SCLT1: variants seen among roughly 807,000 people sequenced by gnomAD.
SCLT1 encodes the protein sodium channel-associated protein 1.
Under a neutral mutation model 112.8 loss-of-function variants are expected in SCLT1, and 78 were observed. The ratio of observed to expected loss-of-function variants is 0.69; its 90% CI spans 0.58 to 0.83. The LOEUF (loss-of-function observed/expected upper bound fraction) is 0.83, where lower values mean the gene tolerates loss of function less well. Among genes scored for constraint, SCLT1 ranks in the 40% least tolerant of loss-of-function variants. SCLT1 has a pLI of 0.00. For missense variants in SCLT1, 747 were observed against 770.4 expected (o/e 0.97, Z 0.36); for synonymous variants, 257 against 254.7 (o/e 1.01, Z -0.09).
intron 5 of SCLT1, among the ~76,000 whole-genome samples, chr4:129,023,263 A>G (rs897814865): frequency 2.0e-5 from 3 of 152,210 alleles, no homozygotes; most frequent in African/African-American, 7.2e-5. Context: ...TCCAGCTAGC[A>G]TCATGGCGAC....
At position 128,898,554 on chromosome 4, in the gene SCLT1, G is replaced by A. The variant is rs1025426168; in HGVS notation, c.1830-7417C>T. Among the ~76,000 whole-genome samples, 10 of 152,156 alleles carry A rather than the reference G, an allele frequency of 6.6e-5. No homozygotes were observed. In the East Asian group the frequency reaches 1.9e-3, roughly 29 times the overall value. ...TAGAGGGAAATTTATAGCACTAAAT[G>A]CCCACAAGAGAAAGCAGGAAAGATC... On this transcript the variant is annotated intron_variant, in intron 18 of 20. Transcript: ENST00000281142.
chr4:128,962,440 G>T lies in SCLT1; in HGVS notation c.870-2663C>A, dbSNP rs114611244. On this transcript the variant is annotated intron_variant, in intron 11 of 20. Transcript: ENST00000281142. ...ATATCTGCCTCAAATCTTAAGAACA[G>T]ACGTTAATTGTATATTATGTCTACT... Among the ~76,000 whole-genome samples, 869 of 152,178 alleles carry T rather than the reference G, an allele frequency of 5.7e-3. 7 individuals carry two copies. Among genetic ancestry groups the T allele is most frequent in the Middle Eastern group, 0.034 (10 of 294 alleles).
In SCLT1 at chr4:129,051,456, G is replaced by C. The variant is rs555177260; in HGVS notation, c.103-7405C>G. Among the ~76,000 whole-genome samples, 3 of 152,218 alleles carry C rather than the reference G, an allele frequency of 2.0e-5. No individual in the cohort carries two copies. In the East Asian group the frequency reaches 5.8e-4, roughly 29 times the overall value. On this transcript the variant is annotated intron_variant, in intron 2 of 20. Coordinates refer to ENST00000281142, the MANE Select transcript of SCLT1 (RefSeq NM_144643.4). ...AGGTTCTTTACATCCCTTGTAAGTT[G>C]TATTCCTAGGTATTTTATTCTCTTT...
intron 18 of SCLT1, among the ~76,000 whole-genome samples, chr4:128,923,387 G>A (rs1168973005): frequency 1.4e-5 from 2 of 144,926 alleles, no homozygotes; most frequent in African/African-American, 5.1e-5. Flanking sequence ...AGAGGTTGCA[G>A]TGAACCAAGA....
chr4:129,090,925 A>AGAGTTGAGAAGTACCAAACAT (rs1228627485), intron 1 of SCLT1, among the ~76,000 whole-genome samples: 1 of 152,220 alleles, frequency 6.6e-6, no homozygotes, highest in Non-Finnish European at 1.5e-5. Flanking sequence ...TGGGGACATG[A>AGAGTTGAGAAGTACCAAACAT]GAGTTGAGAA....
At position 128,997,869 on chromosome 4, in the gene SCLT1, CT is replaced by C; in HGVS notation, c.615+4del. 1.5e-6 allele frequency: 2 copies of C among 1,353,108 alleles called. No homozygotes were observed. The highest frequency in any genetic ancestry group is 2.0e-6 in the Non-Finnish European group (2 of 990,844). 83.8% of individuals were successfully genotyped at this position (1,353,108 alleles called of 1,614,324 possible). A position where few individuals can be genotyped will look rare whatever the true frequency, so the allele number is the denominator to read the frequency against. On this transcript the variant is annotated splice_donor_region_variant and intron_variant, in intron 8 of 20. Transcript: ENST00000281142. ...TTTCTAGTTTATATAAATAAGTATA[CT>C]TACCACTTCCATGTTCTCATTAGTA...
chr4:128,975,773 T>G (rs1374845506), intron 9 of SCLT1, among the ~76,000 whole-genome samples: 1 of 152,194 alleles, frequency 6.6e-6, no homozygotes, highest in Non-Finnish European at 1.5e-5. Flanking sequence ...AAACATAATT[T>G]TAGACAAAGT....
chr4:129,011,132 T>C (rs1448856627), intron 5 of SCLT1, among the ~76,000 whole-genome samples: 1 of 152,222 alleles, frequency 6.6e-6, no homozygotes, highest in Non-Finnish European at 1.5e-5. Flanking sequence ...ACATGAAGAA[T>C]GTTAAATTTT....
chr4:129,041,798 T>G (rs569635320), intron 4 of SCLT1: 1 of 152,364 alleles, frequency 6.6e-6, no homozygotes, highest in East Asian at 1.9e-4. Flanking sequence ...CAGGCTGGAG[T>G]GCAGTGGCAC....
chr4:129,046,572 C>T (rs1232194275), intron 2 of SCLT1, among the ~76,000 whole-genome samples: 1 of 152,000 alleles, frequency 6.6e-6, no homozygotes, highest in Non-Finnish European at 1.5e-5. Flanking sequence ...TATATTTATG[C>T]TTTCTATTAT....
rs1041186943 is a variant in SCLT1, at chr4:129,036,398, T to G, written c.290+2643A>C. ...ATTATCTCAACCATAAAATACCTTGTCTATTCTCAGCACATTAAAATACAA... is the reference window on the plus strand; with the variant it reads ...ATTATCTCAACCATAAAATACCTTGGCTATTCTCAGCACATTAAAATACAA... On this transcript the variant is annotated intron_variant, in intron 5 of 20. Coordinates refer to ENST00000281142, the MANE Select transcript of SCLT1 (RefSeq NM_144643.4). Among the ~76,000 whole-genome samples, 4 of 152,188 alleles carry G rather than the reference T, an allele frequency of 2.6e-5. No homozygotes were observed. In the South Asian group the frequency reaches 8.3e-4, roughly 31 times the overall value.
At chr4:128,936,997 G>C in intron 17 of SCLT1, 146 bp from the exon 18 acceptor site, 1 of 442,986 alleles carries the variant, frequency 2.3e-6, no homozygotes, top group Non-Finnish European at 3.9e-6. Flanking sequence ...AATCAAGTTT[G>C]GTCAGGTGCG....
chr4:129,024,256 C>A lies in SCLT1; in HGVS notation c.290+14785G>T, dbSNP rs188715242. Among the ~76,000 whole-genome samples, 68 of 151,156 alleles carry A rather than the reference C, an allele frequency of 4.5e-4. 1 individual carries two copies. Among genetic ancestry groups the A allele is most frequent in the African/African-American group, 1.6e-3 (65 of 40,616 alleles). ...TGCCTCCTCAAGTGGGTCTCTGACC[C>A]CTGACCCCTGACCCCTGAGCAGCCT... On this transcript the variant is annotated intron_variant, in intron 5 of 20. Coordinates refer to ENST00000281142, the MANE Select transcript of SCLT1 (RefSeq NM_144643.4).
At chr4:128,902,438 C>T (rs1734390207) in intron 18 of SCLT1, among the ~76,000 whole-genome samples, 2 of 152,136 alleles carry the variant, frequency 1.3e-5, no homozygotes, top group African/African-American at 4.8e-5. Flanking sequence ...AGGCTACAAA[C>T]CTGTACAGCA....
chr4:129,083,381 T>C (rs1260308950), intron 1 of SCLT1, among the ~76,000 whole-genome samples: 1 of 149,610 alleles, frequency 6.7e-6, no homozygotes, highest in Non-Finnish European at 1.5e-5. Flanking sequence ...GTCTCAATAA[T>C]GTTCAAAGGA....
intron 16 of SCLT1, 88 bp downstream of exon 16, chr4:128,945,919 T>C (rs1738116448): frequency 1.2e-6 from 1 of 807,640 alleles, no homozygotes; most frequent in Non-Finnish European, 2.0e-6. Context: ...TTGTAAGTCC[T>C]ACCAAAAAAA....
chr4:128,924,738 G>A (rs917642048), intron 18 of SCLT1, among the ~76,000 whole-genome samples: 1 of 152,112 alleles, frequency 6.6e-6, no homozygotes, highest in Non-Finnish European at 1.5e-5. Context: ...TGTGTATGGT[G>A]TGATGTAATG....
intron 9 of SCLT1, among the ~76,000 whole-genome samples, chr4:128,976,403 G>A (rs1741179349): frequency 6.6e-6 from 1 of 152,172 alleles, no homozygotes; most frequent in Non-Finnish European, 1.5e-5. Flanking sequence ...GGGTAACACT[G>A]ACAAGGTGCA....
At chr4:129,085,698 A>T (rs1752333982) in intron 1 of SCLT1, among the ~76,000 whole-genome samples, 1 of 152,224 alleles carries the variant, frequency 6.6e-6, no homozygotes, top group South Asian at 2.1e-4. Flanking sequence ...GAAGAACGAG[A>T]TCATCTCCTT....
Sources: allele counts gnomAD v4.1 joint callset (sites outside exome capture counted in the v4.1 genomes callset), GRCh38; gene constraint gnomAD v4.1.1; transcripts MANE v1.5; gene names NCBI Gene and HGNC (gene_info 2026-07-23, HGNC 2026-07-21).